Variants in TENM3 observed in about 807,000 individuals in gnomAD.
The protein encoded by TENM3 is teneurin-3.
TENM3 carries 63 observed loss-of-function variants against 255.1 expected under a neutral mutation model. That is an observed-to-expected ratio of 0.25 (90% CI 0.20 to 0.30). The LOEUF (loss-of-function observed/expected upper bound fraction) is 0.30. Ranked by LOEUF, TENM3 falls within the 10% of genes least tolerant of loss-of-function variation. TENM3 has a pLI of 1.00. For missense variants in TENM3, 2,929 were observed against 3,461.1 expected, an observed-to-expected ratio of 0.85 and a Z score of 3.86; for synonymous variants, 1,306 against 1,322.3, an observed-to-expected ratio of 0.99 and a Z score of 0.27.
the TENM3 span, among the ~76,000 whole-genome samples, chr4:181,606,985 T>C: frequency 1.3e-5 from 2 of 152,140 alleles, no homozygotes; most frequent in East Asian, 1.9e-4. Flanking sequence ...CAAGAGTGGA[T>C]AGCAGCCAGC....
intron 3 of TENM3, among the ~76,000 whole-genome samples, chr4:182,533,804 C>T (rs1181141447): frequency 6.6e-6 from 1 of 151,842 alleles, no homozygotes; most frequent in Non-Finnish European, 1.5e-5. Flanking sequence ...AACCCATCTA[C>T]TTGGGAGGCT....
At chr4:182,619,909 A>G (rs1452336597) in intron 4 of TENM3, among the ~76,000 whole-genome samples, 1 of 152,226 alleles carries the variant, frequency 6.6e-6, no homozygotes, top group Non-Finnish European at 1.5e-5. Flanking sequence ...TGTTAAAAAG[A>G]AGCCGCCGCG....
chr4:182,605,433 G>A (rs1174138552), intron 4 of TENM3, among the ~76,000 whole-genome samples: 6 of 149,716 alleles, frequency 4.0e-5, no homozygotes, highest in Admixed American at 6.7e-5. Flanking sequence ...TTTCAAAATT[G>A]GACCTGGGCC....
intron 22 of TENM3, among the ~76,000 whole-genome samples, chr4:182,765,665 A>G (rs1763655233): frequency 1.3e-5 from 2 of 151,980 alleles, no homozygotes; most frequent in Non-Finnish European, 2.9e-5. Context: ...CACTCATGAG[A>G]TGAAACTAAA....
chr4:182,738,531 G>T lies in TENM3; in HGVS notation c.3366G>T (p.Leu1122=). 6.2e-7 allele frequency: 1 copy of T among 1,611,946 alleles called. No homozygotes were observed. The highest frequency in any genetic ancestry group is 8.5e-7 in the Non-Finnish European group (1 of 1,178,968). The part of the protein sequence containing the change: ...GGWTLDKHHV[L]DVQNGILYKG... Reference sequence around the variant, plus strand: ...GGACATTAGATAAACATCACGTGCTGGATGTACAGAACGGTAAGCTCTTGT... The same window carrying T: ...GGACATTAGATAAACATCACGTGCTTGATGTACAGAACGGTAAGCTCTTGT... The change falls in exon 18 of 28, where the codon CTG becomes CTT. Residue 1122 remains leucine, a synonymous_variant. Coordinates refer to ENST00000511685, the MANE Select transcript of TENM3 (RefSeq NM_001080477.4).
At chr4:182,455,378 A>G (rs1409398288) in intron 3 of TENM3, among the ~76,000 whole-genome samples, 3 of 151,544 alleles carry the variant, frequency 2.0e-5, no homozygotes, top group African/African-American at 7.3e-5. Context: ...CAGCCTCCAC[A>G]CTGTCGTCAC....
At chr4:182,106,324 G>A in the TENM3 span, among the ~76,000 whole-genome samples, 151,437 of 152,226 alleles carry the variant, frequency 0.99, 75,329 homozygotes, top group Middle Eastern at 1. Context: ...AGCCAGGTGT[G>A]GTAGCGCACG....
chr4:182,532,926 C>T (rs1688785115), intron 3 of TENM3, among the ~76,000 whole-genome samples: 1 of 152,176 alleles, frequency 6.6e-6, no homozygotes. Context: ...ATATAATATG[C>T]AAAATCAATC....
chr4:182,005,912 T>C, the TENM3 span, among the ~76,000 whole-genome samples: 2 of 152,326 alleles, frequency 1.3e-5, no homozygotes, highest in South Asian at 4.1e-4. Flanking sequence ...TTTCTGCACA[T>C]TGATTTTGTA....
At chr4:182,744,089 CTTTCTT>C in intron 19 of TENM3, 1 of 471,890 alleles carries the variant, frequency 2.1e-6, no homozygotes, top group African/African-American at 3.6e-5. Flanking sequence ...TCTAACTGTG[CTTTCTT>C]TTTTTTTTTT....
At chr4:182,183,761 C>G (rs1356322097) in intron 1 of TENM3, among the ~76,000 whole-genome samples, 2 of 152,096 alleles carry the variant, frequency 1.3e-5, no homozygotes, top group Admixed American at 1.3e-4. Flanking sequence ...TTATCTAGAT[C>G]ATATTATATT....
At chr4:181,806,884 C>T in the TENM3 span, among the ~76,000 whole-genome samples, 1 of 152,216 alleles carries the variant, frequency 6.6e-6, no homozygotes, top group Non-Finnish European at 1.5e-5. Context: ...ATATTTGTAA[C>T]TGATTCATTT....
At chr4:182,038,980 G>A in the TENM3 span, among the ~76,000 whole-genome samples, 2 of 151,976 alleles carry the variant, frequency 1.3e-5, no homozygotes, top group African/African-American at 4.8e-5. Flanking sequence ...TGATCCACCC[G>A]CCCCGGCCTT....
the TENM3 span, among the ~76,000 whole-genome samples, chr4:181,822,854 G>A: frequency 6.6e-6 from 1 of 152,090 alleles, no homozygotes; most frequent in East Asian, 1.9e-4. Context: ...AAGGGGAGCT[G>A]TACTAATTCT....
chr4:182,402,282 A>C (rs766890750), intron 3 of TENM3, among the ~76,000 whole-genome samples: 8 of 152,194 alleles, frequency 5.3e-5, no homozygotes, highest in Non-Finnish European at 1.2e-4. Flanking sequence ...AAAGACCTTT[A>C]TGTTAATTAT....
rs546095847 is a variant in TENM3 at position 182,407,587 on chromosome 4, G to GTGAA, written c.511+60684_511+60687dup. 2.0e-3 allele frequency among the ~76,000 whole-genome samples: 307 copies of GTGAA among 152,168 alleles called. 1 individual carries two copies. Among genetic ancestry groups the GTGAA allele is most frequent in the Admixed American group, 3.5e-3 (53 of 15,274 alleles). ...ACCTGAGACCTTAAGCATTTGCTGA[G>GTGAA]TGAATGAATGAATGAATGAATGAAT... is the stretch of plus-strand genomic sequence containing the variant. On this transcript the variant is annotated intron_variant, in intron 3 of 27. Transcript: ENST00000511685.
intron 1 of TENM3, among the ~76,000 whole-genome samples, chr4:182,212,200 G>A (rs866037097): frequency 6.6e-6 from 1 of 152,194 alleles, no homozygotes; most frequent in African/African-American, 2.4e-5. Context: ...GTGAAACCAA[G>A]ACTGATACTG....
the TENM3 span, among the ~76,000 whole-genome samples, chr4:182,112,957 C>T: frequency 6.6e-6 from 1 of 152,176 alleles, no homozygotes; most frequent in Non-Finnish European, 1.5e-5. Context: ...AAGACTTTGT[C>T]TAACATCAGT....
chr4:181,717,641 T>C, the TENM3 span, among the ~76,000 whole-genome samples: 5 of 152,226 alleles, frequency 3.3e-5, no homozygotes, highest in Admixed American at 3.3e-4. Flanking sequence ...AGAATAGCTG[T>C]AGGGAATAGC....
Sources: allele counts gnomAD v4.1 joint callset (sites outside exome capture counted in the v4.1 genomes callset), GRCh38; gene constraint gnomAD v4.1.1; transcripts MANE v1.5; gene names NCBI Gene and HGNC (gene_info 2026-07-23, HGNC 2026-07-21).